Variants in STK32B observed in about 807,000 individuals in gnomAD.
STK32B encodes serine/threonine kinase 32B.
A neutral mutation model predicts 52.6 loss-of-function variants in STK32B; 43 were observed. The observed-to-expected ratio is 0.82, with a 90% CI of 0.64 to 1.05. The LOEUF is 1.05. STK32B is among the 50% of genes least tolerant of loss of function. The pLI, the probability that STK32B is intolerant of heterozygous loss-of-function variation, is 0.00. For missense variants in STK32B, 621 were observed against 534.6 expected, an observed-to-expected ratio of 1.16 and a Z score of -1.59; for synonymous variants, 238 against 204.3, an observed-to-expected ratio of 1.17 and a Z score of -1.41.
intron 2 of STK32B, 49 bp downstream of exon 2, chr4:5,140,009 TTGTG>T (rs770498423): frequency 6.2e-7 from 1 of 1,607,978 alleles, no homozygotes; most frequent in Non-Finnish European, 8.5e-7. Flanking sequence ...GTGTGTATAT[TTGTG>T]TGTCTGTGTG....
At chr4:5,413,793 C>T (rs1265964203) in intron 5 of STK32B, among the ~76,000 whole-genome samples, 1 of 152,202 alleles carries the variant, frequency 6.6e-6, no homozygotes, top group East Asian at 1.9e-4. Flanking sequence ...GCAGCCTCCT[C>T]TGCAGCGAGG....
intron 6 of STK32B, among the ~76,000 whole-genome samples, chr4:5,428,294 A>G (rs112654720): frequency 0.051 from 7,791 of 151,908 alleles, 686 homozygotes; most frequent in African/African-American, 0.18. Context: ...TGTAGTCCCA[A>G]CTACTCGGGA....
intron 2 of STK32B, among the ~76,000 whole-genome samples, chr4:5,155,975 A>G (rs956660863): frequency 3.3e-5 from 5 of 152,126 alleles, no homozygotes; most frequent in East Asian, 1.9e-4. Flanking sequence ...GCATATACAT[A>G]TATACCTCTC....
chr4:5,208,142 G>T (rs980131084), intron 3 of STK32B, among the ~76,000 whole-genome samples: 2 of 152,110 alleles, frequency 1.3e-5, no homozygotes, highest in Admixed American at 1.3e-4. Flanking sequence ...GGTGATTCAG[G>T]ATTGTAGGTT....
intron 2 of STK32B, among the ~76,000 whole-genome samples, chr4:5,160,874 A>C (rs2108725684): frequency 6.6e-6 from 1 of 152,254 alleles, no homozygotes; most frequent in Middle Eastern, 3.4e-3. Flanking sequence ...GGGAGGTCAG[A>C]GTTGGCTTAG....
At chr4:5,122,034 ACTCATTCATTCACTCG>A (rs1429387844) in intron 1 of STK32B, among the ~76,000 whole-genome samples, 3 of 152,184 alleles carry the variant, frequency 2.0e-5, no homozygotes, top group East Asian at 1.9e-4. Context: ...CCATTCACTC[ACTCATTCATTCACTCG>A]CTCATTCATT....
intron 5 of STK32B, among the ~76,000 whole-genome samples, chr4:5,407,452 C>A (rs530348575): frequency 6.6e-6 from 1 of 152,180 alleles, no homozygotes; most frequent in African/African-American, 2.4e-5. Context: ...ACTACTGGTA[C>A]CAATTTTCTA....
At position 5,304,115 on chromosome 4, in the gene STK32B, G is replaced by A. The variant is rs185371055; in HGVS notation, c.261-27105G>A. On this transcript the variant is annotated intron_variant, in intron 3 of 11. Transcript: ENST00000282908. ...ATAGTATGAAGTCAGATAATGCAGTGCCTCCAGATTTGTTCTTTTGGCTTA... is the reference window on the plus strand; with the variant it reads ...ATAGTATGAAGTCAGATAATGCAGTACCTCCAGATTTGTTCTTTTGGCTTA... 5.7e-3 allele frequency among the ~76,000 whole-genome samples: 868 copies of A among 152,148 alleles called. 8 individuals carry two copies. Among genetic ancestry groups the A allele is most frequent in the African/African-American group, 0.02 (821 of 41,502 alleles).
At chr4:5,104,696 G>C (rs995231176) in intron 1 of STK32B, among the ~76,000 whole-genome samples, 4 of 152,286 alleles carry the variant, frequency 2.6e-5, no homozygotes, top group African/African-American at 7.2e-5. Context: ...CTTCTTCTCT[G>C]AGGTCATTCT....
chr4:5,421,772 A>C (rs1577474558), intron 6 of STK32B, among the ~76,000 whole-genome samples: 1 of 152,116 alleles, frequency 6.6e-6, no homozygotes. Context: ...CTGTATTGGG[A>C]CCTCGCTACC....
chr4:5,086,034 A>G (rs904037142), intron 1 of STK32B, among the ~76,000 whole-genome samples: 1 of 152,262 alleles, frequency 6.6e-6, no homozygotes, highest in African/African-American at 2.4e-5. Context: ...AAACATTTAC[A>G]GGAAAATGTT....
chr4:5,109,957 A>T (rs1439594961), intron 1 of STK32B, among the ~76,000 whole-genome samples: 3 of 152,008 alleles, frequency 2.0e-5, no homozygotes, highest in Non-Finnish European at 4.4e-5. Flanking sequence ...TCAGTAGCCC[A>T]TTTCTGTATA....
intron 7 of STK32B, among the ~76,000 whole-genome samples, chr4:5,454,646 T>C (rs1420968518): frequency 1.3e-5 from 2 of 152,128 alleles, no homozygotes; most frequent in African/African-American, 4.8e-5. Context: ...GAGGTGAGCC[T>C]TGGCAATTCA....
At chr4:5,372,873 T>C (rs963982040) in intron 4 of STK32B, among the ~76,000 whole-genome samples, 1 of 152,178 alleles carries the variant, frequency 6.6e-6, no homozygotes, top group Non-Finnish European at 1.5e-5. Context: ...CCAATAAAGT[T>C]TATGATTGGG....
At chr4:5,483,345 T>C (rs1718880889) in intron 11 of STK32B, among the ~76,000 whole-genome samples, 1 of 152,032 alleles carries the variant, frequency 6.6e-6, no homozygotes, top group Admixed American at 6.5e-5. Context: ...AATTTATCCA[T>C]TTCTTCTAGA....
chr4:5,373,894 G>A (rs905086584), intron 4 of STK32B, among the ~76,000 whole-genome samples: 2 of 152,192 alleles, frequency 1.3e-5, no homozygotes, highest in South Asian at 2.1e-4. Context: ...ACTACCTACT[G>A]TAATTGAATT....
intron 3 of STK32B, among the ~76,000 whole-genome samples, chr4:5,194,425 G>A (rs1721483374): frequency 2.0e-5 from 3 of 152,194 alleles, no homozygotes; most frequent in South Asian, 4.1e-4. Flanking sequence ...CAAGGGTAGG[G>A]ACCTTGCCCT....
chr4:5,276,206 T>C (rs938780943), intron 3 of STK32B, among the ~76,000 whole-genome samples: 2 of 151,994 alleles, frequency 1.3e-5, no homozygotes, highest in African/African-American at 4.8e-5. Context: ...GGAGAATCAC[T>C]TGAACCCAGG....
intron 11 of STK32B, among the ~76,000 whole-genome samples, chr4:5,483,720 C>T (rs549296291): frequency 6.6e-6 from 1 of 152,116 alleles, no homozygotes; most frequent in Non-Finnish European, 1.5e-5. Flanking sequence ...CTCTTGTGGA[C>T]ATTTAGTGCT....
Sources: gnomAD v4.1 joint callset for allele counts (sites outside exome capture counted in the v4.1 genomes callset) on GRCh38, gnomAD v4.1.1 for gene constraint, MANE v1.5 for transcripts, NCBI Gene and HGNC (gene_info 2026-07-23, HGNC 2026-07-21) for gene names.